C1orf87: variants seen among roughly 807,000 people sequenced by gnomAD.
The protein encoded by C1orf87 is uncharacterized protein C1orf87.
C1orf87 carries 58 observed loss-of-function variants against 60.5 expected under a neutral mutation model. That is an observed-to-expected ratio of 0.96 (90% CI 0.78 to 1.19). C1orf87 has a LOEUF of 1.19. Among genes scored for constraint, C1orf87 ranks in the 50% most tolerant of loss-of-function variants. The probability of loss-of-function intolerance (pLI) is 0.00; values close to 1 mark genes in which losing one functional copy is unlikely to be tolerated. For missense variants in C1orf87, 673 were observed against 638.6 expected (o/e 1.05, Z -0.58); for synonymous variants, 236 against 227.4 (o/e 1.04, Z -0.34).
chr1:60,016,956 A>G (rs1032583688), intron 8 of C1orf87, among the ~76,000 whole-genome samples: 3 of 152,200 alleles, frequency 2.0e-5, no homozygotes, highest in African/African-American at 7.2e-5. Flanking sequence ...TATAAACTGA[A>G]TTTCATGGGA....
chr1:60,029,634 C>G (rs1026846600), intron 7 of C1orf87, among the ~76,000 whole-genome samples: 1 of 105,628 alleles, frequency 9.5e-6, no homozygotes, highest in Non-Finnish European at 1.8e-5. Context: ...CCTGTCCCCC[C>G]AAGTTTTTTT....
chr1:60,027,162 C>T (rs1574308233), intron 7 of C1orf87, among the ~76,000 whole-genome samples: 1 of 152,178 alleles, frequency 6.6e-6, no homozygotes, highest in African/African-American at 2.4e-5. Context: ...CTTCAGCCTT[C>T]GCAGGGCTTT....
At chr1:60,020,181 CT>C (rs768747890) in intron 8 of C1orf87, among the ~76,000 whole-genome samples, 2 of 152,184 alleles carry the variant, frequency 1.3e-5, no homozygotes, top group African/African-American at 4.8e-5. Flanking sequence ...TGGGCCCAGG[CT>C]GGGCTTGAGG....
intron 6 of C1orf87, among the ~76,000 whole-genome samples, chr1:60,037,644 T>A (rs923542470): frequency 2.6e-5 from 4 of 152,206 alleles, no homozygotes; most frequent in African/African-American, 7.2e-5. Context: ...TTAGGTCCCA[T>A]CTCCCAGGGC....
chr1:60,015,659 T>C (rs977196890), intron 8 of C1orf87, among the ~76,000 whole-genome samples: 9 of 152,184 alleles, frequency 5.9e-5, no homozygotes, highest in African/African-American at 2.2e-4. Flanking sequence ...TGGTGTCTTT[T>C]TGTGTGTCCA....
At chr1:60,032,264 T>A (rs77392101) in intron 7 of C1orf87, among the ~76,000 whole-genome samples, 1,642 of 152,224 alleles carry the variant, frequency 0.011, 21 homozygotes, top group African/African-American at 0.038. Context: ...TCTTCTGGAA[T>A]TCTAACTCTT....
chr1:60,071,378 T>C (rs1237149057), intron 2 of C1orf87, among the ~76,000 whole-genome samples: 1 of 152,176 alleles, frequency 6.6e-6, no homozygotes, highest in Non-Finnish European at 1.5e-5. Flanking sequence ...AGGCCAAAGA[T>C]GTTAATTCAT....
Position 59,990,425 on chromosome 1 carries a change from A to C in C1orf87, c.*248T>G. 3.4e-6 allele frequency: 1 copy of C among 293,960 alleles called. No individual in the cohort carries two copies. The highest frequency in any genetic ancestry group is 6.2e-6 in the Non-Finnish European group (1 of 160,594). The allele number at this position is 293,960 out of a possible 1,614,324, so 18.2% of individuals were successfully genotyped here. A position where few individuals can be genotyped will look rare whatever the true frequency, so the allele number is the denominator to read the frequency against. ...TAATAATAAGTTTTATTAAAACAGA[A>C]GGAGATTCTAAGTAGCTGGGTTCTT... On this transcript the variant is annotated 3_prime_UTR_variant, in exon 12 of 12. Coordinates refer to ENST00000371201, the MANE Select transcript of C1orf87 (RefSeq NM_152377.3).
intron 3 of C1orf87, among the ~76,000 whole-genome samples, chr1:60,053,984 C>T (rs560842904): frequency 2.4e-4 from 37 of 152,194 alleles, no homozygotes; most frequent in Middle Eastern, 6.8e-3. Flanking sequence ...TCAATAATAA[C>T]GTCTTTTATA....
chr1:60,033,571 G>C lies in C1orf87; in HGVS notation c.934C>G (p.Leu312Val). 1 of 1,613,568 alleles carries C rather than the reference G, an allele frequency of 6.2e-7. No homozygotes were observed. Among genetic ancestry groups the C allele is most frequent in the East Asian group, 2.2e-5 (1 of 44,876 alleles). ...RSLLEILKMA[L>V]RTTNGRLNID... Reference sequence around the variant, plus strand: ...TTGAGTCTGCCATTGGTTGTCCTTAGTGCCATCTTCAAAATCTCCAACAGA... The same window carrying C: ...TTGAGTCTGCCATTGGTTGTCCTTACTGCCATCTTCAAAATCTCCAACAGA... The change falls in exon 7 of 12, where the codon CTA (leucine) becomes GTA (valine). Residue 312 changes from leucine (L) to valine (V), a missense_variant. By Grantham distance (32) the Leu-to-Val change is conservative. Transcript: ENST00000371201.
intron 2 of C1orf87, among the ~76,000 whole-genome samples, chr1:60,066,728 CAGGTTTGTTATAT>C (rs1479685080): frequency 6.6e-6 from 1 of 151,700 alleles, no homozygotes; most frequent in East Asian, 1.9e-4. Flanking sequence ...GCAGAATGTG[CAGGTTTGTTATAT>C]AGGTATACAC....
intron 11 of C1orf87, among the ~76,000 whole-genome samples, chr1:59,994,268 AT>A (rs1444868497): frequency 4.0e-5 from 6 of 150,814 alleles, no homozygotes; most frequent in African/African-American, 1.5e-4. Context: ...AAATCTTCTG[AT>A]TAAAAAAAAA....
rs747108334 is a variant in C1orf87 at position 59,990,850 on chromosome 1, T to C, written c.1481-17A>G. The C allele has an allele frequency of 2.7e-5, 43 of 1,611,014 alleles. No homozygotes were observed. The highest frequency in any genetic ancestry group is 1.8e-4 in the Admixed American group (11 of 59,670). On this transcript the variant is annotated splice_polypyrimidine_tract_variant and intron_variant, in intron 11 of 11. Coordinates refer to ENST00000371201, the MANE Select transcript of C1orf87 (RefSeq NM_152377.3). ...CCAGAACTCCTGTGATTGGATTGGG[T>C]AGGAGGAAGGTTTTTTAAAGAGGAT...
chr1:60,033,750 G>T, intron 6 of C1orf87, 109 bp from the exon 7 acceptor site: 2 of 1,266,138 alleles, frequency 1.6e-6, no homozygotes, highest in South Asian at 1.6e-5. Flanking sequence ...GAACCAGAGA[G>T]CCCATCTACG....
chr1:60,016,832 G>T (rs1175811742), intron 8 of C1orf87, among the ~76,000 whole-genome samples: 1 of 152,214 alleles, frequency 6.6e-6, no homozygotes, highest in Non-Finnish European at 1.5e-5. Context: ...CTGGAAGAGA[G>T]GGCAAGAGAT....
intron 11 of C1orf87, 58 bp downstream of exon 11, chr1:59,997,551 T>A: frequency 1.3e-6 from 2 of 1,534,016 alleles, no homozygotes; most frequent in Non-Finnish European, 8.9e-7. Flanking sequence ...ATGAGGTGCC[T>A]ACTTTTAGAC....
At chr1:60,033,367 A>T in intron 7 of C1orf87, 109 bp downstream of exon 7, 1 of 1,041,880 alleles carries the variant, frequency 9.6e-7, no homozygotes, top group South Asian at 1.9e-5. Flanking sequence ...CAACTGTGTA[A>T]TGTAATCCAC....
intron 9 of C1orf87, among the ~76,000 whole-genome samples, chr1:60,006,923 T>A (rs933892970): frequency 1.3e-5 from 2 of 151,990 alleles, no homozygotes; most frequent in Non-Finnish European, 2.9e-5. Context: ...TGCATACTTT[T>A]TTTTTTCTGA....
chr1:60,058,152 A>G lies in C1orf87; in HGVS notation c.108-2714T>C, dbSNP rs201040037. 5.3e-5 allele frequency among the ~76,000 whole-genome samples: 8 copies of G among 152,358 alleles called. No homozygotes were observed. In the East Asian group the frequency reaches 1.5e-3, roughly 29 times the overall value. On this transcript the variant is annotated intron_variant, in intron 2 of 11. Coordinates refer to ENST00000371201, the MANE Select transcript of C1orf87 (RefSeq NM_152377.3). ...GTTGTCCAAAAATAATGCAAACAATAAAGCTAACAACTGGTAAAACTATAT... is the reference window on the plus strand; with the variant it reads ...GTTGTCCAAAAATAATGCAAACAATGAAGCTAACAACTGGTAAAACTATAT...
Sources: gnomAD v4.1 joint callset for allele counts (sites outside exome capture counted in the v4.1 genomes callset) on GRCh38, gnomAD v4.1.1 for gene constraint, MANE v1.5 for transcripts, NCBI Gene and HGNC (gene_info 2026-07-23, HGNC 2026-07-21) for gene names.